HLF: variants seen among roughly 807,000 people sequenced by gnomAD.
HLF encodes HLF transcription factor, PAR bZIP family member.
Under a neutral mutation model 22.6 loss-of-function variants are expected in HLF, and 3 were observed. That is an observed-to-expected ratio of 0.13 (90% CI 0.06 to 0.34). HLF has a LOEUF of 0.34. Ranked by LOEUF, HLF falls within the 10% of genes least tolerant of loss-of-function variation. The pLI, the probability that HLF is intolerant of heterozygous loss-of-function variation, is 1.00. For missense variants in HLF, 299 were observed against 389.2 expected, an observed-to-expected ratio of 0.77 and a Z score of 1.95; for synonymous variants, 151 against 151.8, an observed-to-expected ratio of 0.99 and a Z score of 0.04.
chr17:55,273,650 G>A (rs984519514), intron 2 of HLF: 4 of 152,260 alleles, frequency 2.6e-5, no homozygotes, highest in African/African-American at 4.8e-5. Context: ...CCCAGCTCTC[G>A]TGTGAGCCCT....
At chr17:55,317,933 C>T (rs1421554462) in intron 3 of HLF, among the ~76,000 whole-genome samples, 1 of 152,164 alleles carries the variant, frequency 6.6e-6, no homozygotes, top group Admixed American at 6.5e-5. Context: ...TTTTAATGGT[C>T]CATTCATTCA....
chr17:55,299,111 G>T (rs1354465863), intron 2 of HLF, among the ~76,000 whole-genome samples: 1 of 152,218 alleles, frequency 6.6e-6, no homozygotes, highest in Admixed American at 6.5e-5. Flanking sequence ...AGCAAGAACT[G>T]CAAAGGCTGG....
At chr17:55,269,794 A>G (rs2080835431) in intron 2 of HLF, among the ~76,000 whole-genome samples, 1 of 152,188 alleles carries the variant, frequency 6.6e-6, no homozygotes, top group South Asian at 2.1e-4. Context: ...TAAGGTAACT[A>G]GGTACTGTAT....
intron 2 of HLF, among the ~76,000 whole-genome samples, chr17:55,273,894 G>C (rs16955833): frequency 6.6e-6 from 1 of 151,950 alleles, no homozygotes; most frequent in Non-Finnish European, 1.5e-5. Flanking sequence ...AGGGAAACCT[G>C]TTCTGTCCAA....
intron 2 of HLF, among the ~76,000 whole-genome samples, chr17:55,275,258 G>A (rs1050735001): frequency 4.6e-5 from 7 of 152,062 alleles, no homozygotes; most frequent in Admixed American, 1.3e-4. Flanking sequence ...ACCACACCTG[G>A]CTAATTTTTG....
chr17:55,267,701 TTTTTC>T lies in HLF; in HGVS notation c.116-41_116-37del, dbSNP rs769173900. 1.8e-5 allele frequency: 24 copies of T among 1,340,352 alleles called. No individual in the cohort carries two copies. In the African/African-American group the frequency reaches 2.9e-4, roughly 16 times the overall value. 83.0% of individuals were successfully genotyped at this position (1,340,352 alleles called of 1,614,324 possible). ...GAAAAGTGATAAAAGAGCGGTATTG[TTTTTC>T]TTTTCTTTCTTTTTTTTTAAGTCCA... On this transcript the variant is annotated intron_variant, in intron 1 of 3. Transcript: ENST00000226067.
chr17:55,316,975 T>TG (rs1905095372), intron 3 of HLF, among the ~76,000 whole-genome samples: 2 of 120,210 alleles, frequency 1.7e-5, no homozygotes, highest in East Asian at 8.1e-4. Flanking sequence ...GTTTTTTTTT[T>TG]TTTTTTTTTT....
At chr17:55,318,503 C>A (rs1488034383) in intron 3 of HLF, among the ~76,000 whole-genome samples, 1 of 152,192 alleles carries the variant, frequency 6.6e-6, no homozygotes, top group African/African-American at 2.4e-5. Context: ...CAGCTGGTGA[C>A]TCCCTGGTCA....
chr17:55,317,087 C>A (rs1905102152), intron 3 of HLF, among the ~76,000 whole-genome samples: 1 of 150,874 alleles, frequency 6.6e-6, no homozygotes, highest in Non-Finnish European at 1.5e-5. Flanking sequence ...CATGCCTTAG[C>A]CTCCTGAGTA....
At position 55,309,540 on chromosome 17, in the gene HLF, A is replaced by G. The variant is rs547400098; in HGVS notation, c.452-5687A>G. Among the ~76,000 whole-genome samples the G allele has an allele frequency of 3.9e-5, 6 of 152,362 alleles. 1 individual carries two copies. The East Asian group carries it at 7.7e-4, about 20-fold the overall frequency. On this transcript the variant is annotated intron_variant, in intron 2 of 3. Transcript: ENST00000226067. The stretch of plus-strand genomic sequence containing the variant: ...ATCCAGGAAGTCATGACAAGTGAAC[A>G]GACCCTAAACTGGTGATGAGGAGGA...
chr17:55,276,544 G>A (rs866849276), intron 2 of HLF, among the ~76,000 whole-genome samples: 8 of 152,326 alleles, frequency 5.3e-5, no homozygotes, highest in Middle Eastern at 3.4e-3. Context: ...TGATGGGCCC[G>A]GAAGGAGGGG....
At position 55,324,850 on chromosome 17, in the gene HLF, C is replaced by A. The variant is rs1853805929; in HGVS notation, c.*3971C>A. On this transcript the variant is annotated 3_prime_UTR_variant, in exon 4 of 4. Transcript: ENST00000226067. ...GTGTGTATGTGTGTGAATAAGTCGA[C>A]ATAAAGTCTTTAATTTTGAGCACCT... The A allele has an allele frequency of 4.3e-6, 1 of 232,806 alleles. No homozygotes were observed. The highest frequency in any genetic ancestry group is 8.5e-6 in the Non-Finnish European group (1 of 117,658). 14.4% of individuals were successfully genotyped at this position (232,806 alleles called of 1,614,324 possible). A position where few individuals can be genotyped will look rare whatever the true frequency, so the allele number is the denominator to read the frequency against.
At position 55,265,010 on chromosome 17, in the gene HLF, G is replaced by A. The variant is rs1327449982; in HGVS notation, c.-475G>A. ...GGCGGCCGGATGCGCTGAGCCCGGC[G>A]CTGCGGGGCCGCGGAGCGCTGGGGA... On this transcript the variant is annotated 5_prime_UTR_variant, in exon 1 of 4. Coordinates refer to ENST00000226067, the MANE Select transcript of HLF (RefSeq NM_002126.5). 1.2e-5 allele frequency: 2 copies of A among 163,786 alleles called. No individual in the cohort carries two copies. Among genetic ancestry groups the A allele is most frequent in the African/African-American group, 2.5e-5 (1 of 40,736 alleles). The allele number at this position is 163,786 out of a possible 1,614,324, so 10.1% of individuals were successfully genotyped here.
At chr17:55,283,370 A>G (rs2080971911) in intron 2 of HLF, 1 of 152,232 alleles carries the variant, frequency 6.6e-6, no homozygotes, top group Non-Finnish European at 1.5e-5. Flanking sequence ...GGCTCAGTGA[A>G]GAGTTCTGTG....
chr17:55,274,815 A>G (rs1231179361), intron 2 of HLF, among the ~76,000 whole-genome samples: 1 of 152,250 alleles, frequency 6.6e-6, no homozygotes, highest in Non-Finnish European at 1.5e-5. Flanking sequence ...CAAGTGCTTA[A>G]TAACAGCTGC....
At chr17:55,300,938 C>T (rs942906356) in intron 2 of HLF, among the ~76,000 whole-genome samples, 3 of 152,216 alleles carry the variant, frequency 2.0e-5, no homozygotes, top group Non-Finnish European at 4.4e-5. Context: ...TCTTCTTACC[C>T]GCCGTGAGCT....
intron 2 of HLF, among the ~76,000 whole-genome samples, chr17:55,304,369 C>T (rs1453362566): frequency 1.3e-5 from 2 of 152,198 alleles, no homozygotes; most frequent in Admixed American, 1.3e-4. Context: ...CGAGAAGGCT[C>T]ATGGGCCACG....
chr17:55,320,732 G>T lies in HLF; in HGVS notation c.741G>T (p.Arg247Ser). The part of the protein sequence containing the change: ...MAAKRSRDAR[R>S]LKENQIAIRA... ...CCAAGCGCTCCCGCGACGCCCGGAG[G>T]CTGAAAGAGAACCAGATCGCCATCC... Residue 247 changes from arginine to serine, a missense_variant, in exon 4 of 4, where the codon AGG becomes AGT. By Grantham distance (110) the Arg-to-Ser change is moderately radical. Coordinates refer to ENST00000226067, the MANE Select transcript of HLF (RefSeq NM_002126.5). This position sits in a 1 kb window ranked among gnomAD's most constrained non-coding sequence, Gnocchi z 4.2. The T allele has an allele frequency of 6.2e-7, 1 of 1,614,198 alleles. No homozygotes were observed. The highest frequency in any genetic ancestry group is 8.5e-7 in the Non-Finnish European group (1 of 1,180,018).
At position 55,267,947 on chromosome 17, in the gene HLF, T is replaced by A. The variant is rs2080810444; in HGVS notation, c.312T>A (p.His104Gln). The change falls in exon 2 of 4, where the codon CAT (histidine) becomes CAA (glutamine). Residue 104 changes from histidine (H) to glutamine (Q), a missense_variant. Around this residue, in one of 3 missense-constraint regions of HLF, gnomAD observed 224 missense variants for 298.1 expected, o/e 0.75. Coordinates refer to ENST00000226067, the MANE Select transcript of HLF (RefSeq NM_002126.5). ...GCATTCCCCCCAGCCCATCTCAGCA[T>A]GACCACAGCCCTCACCCTCCTGGGC... ...ENGIPPSPSQ[H>Q]DHSPHPPGLQ... 1 of 1,614,062 alleles carries A rather than the reference T, an allele frequency of 6.2e-7. No homozygotes were observed. Among genetic ancestry groups the A allele is most frequent in the African/African-American group, 1.3e-5 (1 of 74,906 alleles).
Sources: gnomAD v4.1 joint callset for allele counts (sites outside exome capture counted in the v4.1 genomes callset) on GRCh38, gnomAD v4.1.1 for gene constraint, gnomAD v4.1.1 regional missense constraint, Gnocchi (gnomAD v3.1) non-coding constraint, MANE v1.5 for transcripts, NCBI Gene and HGNC (gene_info 2026-07-23, HGNC 2026-07-21) for gene names.